The following SYN3 variants were observed in gnomAD, a reference collection of about 807,000 sequenced individuals.
SYN3 encodes the protein synapsin-3.
A neutral mutation model predicts 65.8 loss-of-function variants in SYN3; 35 were observed. The observed-to-expected ratio is 0.53, with a 90% CI of 0.41 to 0.70. The LOEUF is 0.70. SYN3 is among the 30% of genes least tolerant of loss of function. The pLI, the probability that SYN3 is intolerant of heterozygous loss-of-function variation, is 0.00. For missense variants in SYN3, 680 were observed against 749.0 expected, an observed-to-expected ratio of 0.91 and a Z score of 1.08; for synonymous variants, 270 against 292.9, an observed-to-expected ratio of 0.92 and a Z score of 0.80.
At chr22:32,884,245 G>A (rs1305417885) in intron 4 of SYN3, among the ~76,000 whole-genome samples, 1 of 152,226 alleles carries the variant, frequency 6.6e-6, no homozygotes, top group Non-Finnish European at 1.5e-5. Flanking sequence ...GGCCAACACT[G>A]GCTAAGCACA....
At chr22:32,667,316 A>G (rs2060302143) in intron 6 of SYN3, among the ~76,000 whole-genome samples, 1 of 142,484 alleles carries the variant, frequency 7.0e-6, no homozygotes, top group East Asian at 2.0e-4. Flanking sequence ...CCCTTTCTTT[A>G]TTCTCTCTTT....
rs5845046 is a variant in SYN3, at chr22:32,885,161, C to CA, written c.462-16037dup. ...ATTTTATGCACCATGGAGTTGGGTG[C>CA]AAAAAAAAAAAAGACTTTTGACAGT... On this transcript the variant is annotated intron_variant, in intron 4 of 13. Coordinates refer to ENST00000358763, the MANE Select transcript of SYN3 (RefSeq NM_003490.4). Among the ~76,000 whole-genome samples the CA allele has an allele frequency of 4.0e-4, 57 of 143,622 alleles. No homozygotes were observed. In the East Asian group the frequency reaches 6.1e-3, roughly 15 times the overall value. The allele number at this position is 143,622 out of a possible 152,430, so 94.2% of individuals were successfully genotyped here. A position where few individuals can be genotyped will look rare whatever the true frequency, so the allele number is the denominator to read the frequency against.
intron 2 of SYN3, among the ~76,000 whole-genome samples, chr22:32,997,270 C>T (rs2052908654): frequency 1.3e-5 from 2 of 152,164 alleles, no homozygotes; most frequent in South Asian, 4.1e-4. Flanking sequence ...CCATTGAACC[C>T]CTGGTCAGGG....
chr22:32,773,130 C>T (rs951417833), intron 6 of SYN3, among the ~76,000 whole-genome samples: 5 of 152,140 alleles, frequency 3.3e-5, no homozygotes, highest in South Asian at 2.1e-4. Flanking sequence ...GGAACAGTGT[C>T]GGGCGTGGTG....
At position 32,690,483 on chromosome 22, in the gene SYN3, C is replaced by T. The variant is rs62234577; in HGVS notation, c.712-93747G>A. 3.4e-3 allele frequency among the ~76,000 whole-genome samples: 523 copies of T among 152,314 alleles called. 2 individuals carry two copies. The highest frequency in any genetic ancestry group is 5.3e-3 in the Non-Finnish European group (359 of 68,030). On this transcript the variant is annotated intron_variant, in intron 6 of 13. Coordinates refer to ENST00000358763, the MANE Select transcript of SYN3 (RefSeq NM_003490.4). ...ACTGTGAGCCTGGATTCCTGAGGCT[C>T]GGATGGACCTGAGCCAGCTGTTATG...
intron 6 of SYN3, among the ~76,000 whole-genome samples, chr22:32,710,456 C>T (rs1018980940): frequency 1.3e-5 from 2 of 151,362 alleles, no homozygotes; most frequent in African/African-American, 4.9e-5. Context: ...CATGGTGAAA[C>T]CCTGACTCTA....
At chr22:32,730,105 A>G (rs1415573175) in intron 6 of SYN3, among the ~76,000 whole-genome samples, 14 of 152,234 alleles carry the variant, frequency 9.2e-5, no homozygotes, top group Admixed American at 7.9e-4. Flanking sequence ...TTGAGATCAG[A>G]GCACATCAGC....
At chr22:32,820,324 C>A (rs1459118278) in intron 6 of SYN3, among the ~76,000 whole-genome samples, 1 of 147,762 alleles carries the variant, frequency 6.8e-6, no homozygotes, top group African/African-American at 2.5e-5. Flanking sequence ...GTGTGTGTGT[C>A]ATCCTCTGCT....
At chr22:32,777,414 C>G (rs1380597243) in intron 6 of SYN3, among the ~76,000 whole-genome samples, 2 of 152,014 alleles carry the variant, frequency 1.3e-5, no homozygotes, top group Non-Finnish European at 2.9e-5. Context: ...TATTATCACA[C>G]AGAAACCTGT....
At chr22:32,591,019 T>A (rs78767515) in intron 7 of SYN3, among the ~76,000 whole-genome samples, 9,663 of 152,302 alleles carry the variant, frequency 0.063, 355 homozygotes, top group Non-Finnish European at 0.079. Context: ...CTGAGCTATG[T>A]GCTTGACATA....
chr22:32,628,649 G>A (rs1350591568), intron 6 of SYN3, among the ~76,000 whole-genome samples: 1 of 152,146 alleles, frequency 6.6e-6, no homozygotes, highest in Non-Finnish European at 1.5e-5. Context: ...TCCGGAGGCT[G>A]AGGCAGGAGA....
chr22:32,922,203 G>A (rs1328204158), intron 4 of SYN3, among the ~76,000 whole-genome samples: 1 of 152,150 alleles, frequency 6.6e-6, no homozygotes, highest in African/African-American at 2.4e-5. Context: ...GGAGACATAT[G>A]GCTTCTTTAA....
At chr22:32,790,883 A>G (rs1485370899) in intron 6 of SYN3, among the ~76,000 whole-genome samples, 2 of 152,238 alleles carry the variant, frequency 1.3e-5, no homozygotes, top group Non-Finnish European at 2.9e-5. Context: ...AGTAGCTACG[A>G]GAAAAGGTCA....
intron 6 of SYN3, among the ~76,000 whole-genome samples, chr22:32,692,677 G>T (rs1317431630): frequency 6.6e-6 from 1 of 152,074 alleles, no homozygotes; most frequent in Non-Finnish European, 1.5e-5. Context: ...TGTGTCACTC[G>T]CTCTTCTGAA....
intron 6 of SYN3, among the ~76,000 whole-genome samples, chr22:32,755,170 G>A (rs1056136639): frequency 6.6e-6 from 1 of 152,156 alleles, no homozygotes; most frequent in African/African-American, 2.4e-5. Flanking sequence ...TTTTTGCAAA[G>A]GTCATCTTGT....
intron 6 of SYN3, among the ~76,000 whole-genome samples, chr22:32,803,182 C>T (rs760304667): frequency 6.6e-5 from 10 of 152,064 alleles, no homozygotes; most frequent in South Asian, 2.1e-4. Flanking sequence ...CTGGGCTGGG[C>T]GGTGGGGTGG....
At chr22:33,038,902 T>G (rs1168459094) in intron 1 of SYN3, among the ~76,000 whole-genome samples, 1 of 152,220 alleles carries the variant, frequency 6.6e-6, no homozygotes, top group East Asian at 1.9e-4. Context: ...CCGGGGCTGT[T>G]CTGGGGCTTC....
At chr22:33,010,062 G>A (rs576349954) in intron 1 of SYN3, among the ~76,000 whole-genome samples, 6 of 151,906 alleles carry the variant, frequency 3.9e-5, no homozygotes, top group East Asian at 1.9e-4. Context: ...GAGAAACCCC[G>A]TCTCTACTAA....
chr22:32,641,012 G>C (rs1412454309), intron 6 of SYN3, among the ~76,000 whole-genome samples: 1 of 152,228 alleles, frequency 6.6e-6, no homozygotes, highest in East Asian at 1.9e-4. Flanking sequence ...GGGTGTGCCT[G>C]GGCATTCGCC....
Sources: gnomAD v4.1 joint callset for allele counts (sites outside exome capture counted in the v4.1 genomes callset) on GRCh38, gnomAD v4.1.1 for gene constraint, MANE v1.5 for transcripts, NCBI Gene and HGNC (gene_info 2026-07-23, HGNC 2026-07-21) for gene names.